Variants in SVIL observed in about 807,000 individuals in gnomAD.
SVIL encodes archvillin.
Under a neutral mutation model 240.4 loss-of-function variants are expected in SVIL, and 101 were observed. The observed-to-expected ratio is 0.42, with a 90% confidence interval of 0.36 to 0.50. The LOEUF (loss-of-function observed/expected upper bound fraction) is 0.50, where lower values mean the gene tolerates loss of function less well. SVIL is among the 20% of genes least tolerant of loss of function. The pLI is 0.01. For missense variants in SVIL, 2,512 were observed against 2,818.7 expected (o/e 0.89, Z 2.46); for synonymous variants, 999 against 1,100.0 (o/e 0.91, Z 1.82).
At chr10:29,497,195 TACAA>T (rs1208216284) in intron 18 of SVIL, among the ~76,000 whole-genome samples, 17 of 152,348 alleles carry the variant, frequency 1.1e-4, no homozygotes, top group Admixed American at 9.1e-4. Flanking sequence ...CCCTTCCTTC[TACAA>T]ACATTCATTA....
chr10:29,466,213 CAT>C (rs1376348602), intron 33 of SVIL, among the ~76,000 whole-genome samples: 7 of 138,028 alleles, frequency 5.1e-5, no homozygotes, highest in East Asian at 5.0e-4. Context: ...ATCACATACA[CAT>C]ATGTAACATA....
chr10:29,580,555 G>A (rs531640273), intron 1 of SVIL, among the ~76,000 whole-genome samples: 1 of 152,316 alleles, frequency 6.6e-6, no homozygotes, highest in South Asian at 2.1e-4. Flanking sequence ...CCAGAGGTCC[G>A]TACGATGTCA....
intron 20 of SVIL, among the ~76,000 whole-genome samples, chr10:29,494,315 T>C (rs540708940): frequency 2.1e-4 from 32 of 152,376 alleles, no homozygotes; most frequent in Middle Eastern, 3.4e-3. Context: ...GTTCAGTTAT[T>C]ATATTACACT....
intron 1 of SVIL, among the ~76,000 whole-genome samples, chr10:29,712,923 T>G (rs1419389000): frequency 6.6e-6 from 1 of 152,170 alleles, no homozygotes; most frequent in Non-Finnish European, 1.5e-5. Flanking sequence ...AGGCCTGTAA[T>G]CCCAGCACTT....
chr10:29,576,144 G>A (rs1450783112), intron 1 of SVIL: 1 of 984,612 alleles, frequency 1.0e-6, no homozygotes, highest in Non-Finnish European at 1.2e-6. Flanking sequence ...TATGATGAAA[G>A]TGTATGCTGT....
intron 3 of SVIL, among the ~76,000 whole-genome samples, chr10:29,651,347 G>C (rs1442699811): frequency 6.6e-6 from 1 of 152,168 alleles, no homozygotes; most frequent in Non-Finnish European, 1.5e-5. Context: ...TGTCTCCACT[G>C]TAGCACTTCA....
At chr10:29,488,802 A>G in intron 22 of SVIL, 46 bp from the exon 23 acceptor site, 1 of 1,575,088 alleles carries the variant, frequency 6.3e-7, no homozygotes, top group Non-Finnish European at 8.6e-7. Flanking sequence ...GTTCAGTTAC[A>G]GTGACAATAT....
At chr10:29,459,648 T>G (rs139417916) in intron 36 of SVIL, among the ~76,000 whole-genome samples, 2 of 152,334 alleles carry the variant, frequency 1.3e-5, no homozygotes, top group Admixed American at 1.3e-4. Flanking sequence ...TGTGTGAATA[T>G]GAACAAACTA....
chr10:29,460,481 A>G (rs186463420), intron 36 of SVIL, among the ~76,000 whole-genome samples: 2 of 152,318 alleles, frequency 1.3e-5, no homozygotes, highest in Admixed American at 6.5e-5. Flanking sequence ...AAGTGGCTCA[A>G]CTGTGCCACA....
intron 16 of SVIL, among the ~76,000 whole-genome samples, chr10:29,514,306 G>A (rs993878793): frequency 3.3e-5 from 5 of 151,280 alleles, no homozygotes; most frequent in Admixed American, 2.6e-4. Context: ...GCACAATCAC[G>A]GTTCACTGCA....
rs919075863 is a variant in SVIL, at chr10:29,558,855, G to A, written c.-50-3747C>T. On this transcript the variant is annotated intron_variant, in intron 3 of 37. Coordinates refer to ENST00000355867, the MANE Select transcript of SVIL (RefSeq NM_021738.3). Reference sequence around the variant, plus strand: ...AGGCAGGAGAATTGCTTGAACCCGGGAGACAGAGGTTGCAGTGAGCCAAGG... The same window carrying A: ...AGGCAGGAGAATTGCTTGAACCCGGAAGACAGAGGTTGCAGTGAGCCAAGG... Among the ~76,000 whole-genome samples, 3 of 150,702 alleles carry A rather than the reference G, an allele frequency of 2.0e-5. No individual in the cohort carries two copies. The South Asian group carries it at 6.3e-4, about 31-fold the overall frequency.
At chr10:29,508,612 C>G in intron 17 of SVIL, 1 of 355,308 alleles carries the variant, frequency 2.8e-6, no homozygotes, top group Non-Finnish European at 5.6e-6. Context: ...TCCCTCCCAT[C>G]CTCGCACTTT....
chr10:29,683,696 C>A (rs1456635737), intron 2 of SVIL, among the ~76,000 whole-genome samples: 1 of 152,198 alleles, frequency 6.6e-6, no homozygotes, highest in Admixed American at 6.5e-5. Flanking sequence ...TTGATCACAT[C>A]TTCTCCCTCG....
chr10:29,631,632 G>A (rs895944970), intron 1 of SVIL, among the ~76,000 whole-genome samples: 17 of 152,098 alleles, frequency 1.1e-4, no homozygotes, highest in African/African-American at 2.2e-4. Flanking sequence ...AGAATTAGCC[G>A]GGCGTGGTGG....
chr10:29,671,952 C>A, intron 2 of SVIL, among the ~76,000 whole-genome samples: 1 of 152,208 alleles, frequency 6.6e-6, no homozygotes, highest in Middle Eastern at 3.2e-3. Flanking sequence ...TTAATCCAGC[C>A]TGCTATCATT....
chr10:29,567,460 C>T (rs36072611), intron 2 of SVIL, among the ~76,000 whole-genome samples: 10,055 of 152,282 alleles, frequency 0.066, 387 homozygotes, highest in Admixed American at 0.12. Flanking sequence ...CAGATTTCTT[C>T]TAAGGAAGCA....
At chr10:29,481,301 C>T (rs796393137) in intron 28 of SVIL, among the ~76,000 whole-genome samples, 34 of 151,240 alleles carry the variant, frequency 2.2e-4, no homozygotes, top group South Asian at 1.1e-3. Flanking sequence ...GGGAAGGAGA[C>T]GGGACAGGGA....
intron 24 of SVIL, among the ~76,000 whole-genome samples, chr10:29,486,770 T>C (rs1947440010): frequency 6.6e-6 from 1 of 152,224 alleles, no homozygotes; most frequent in Non-Finnish European, 1.5e-5. Context: ...GCAATAGTTC[T>C]CCATCTTCAA....
intron 16 of SVIL, among the ~76,000 whole-genome samples, chr10:29,521,579 A>G (rs964141270): frequency 7.2e-5 from 11 of 152,216 alleles, no homozygotes; most frequent in African/African-American, 2.7e-4. Flanking sequence ...CATAGTGATC[A>G]AGCCTCTATT....
Sources: gnomAD v4.1 joint callset for allele counts (sites outside exome capture counted in the v4.1 genomes callset) on GRCh38, gnomAD v4.1.1 for gene constraint, MANE v1.5 for transcripts, NCBI Gene and HGNC (gene_info 2026-07-23, HGNC 2026-07-21) for gene names.